DMD: variants seen among roughly 807,000 people sequenced by gnomAD.
DMD encodes dystrophin.
Under a neutral mutation model 330.1 loss-of-function variants are expected in DMD, and 63 were observed. The observed-to-expected ratio is 0.19, with a 90% CI of 0.16 to 0.24. The LOEUF is 0.24. DMD is among the 10% of genes least tolerant of loss of function. DMD has a pLI of 1.00. For missense variants in DMD, 3,344 were observed against 2,684.1 expected, an observed-to-expected ratio of 1.25 and a Z score of -5.43; for synonymous variants, 1,223 against 959.8, an observed-to-expected ratio of 1.27 and a Z score of -5.07.
intron 4 of DMD, among the ~76,000 whole-genome samples, chrX:32,842,814 A>T (rs780735422): frequency 8.6e-5 from 9 of 104,614 alleles, no homozygotes; most frequent in South Asian, 8.2e-4. Flanking sequence ...AATTATTATT[A>T]TTTTTTTTTT....
chrX:31,269,157 G>A (rs951101522), intron 62 of DMD, among the ~76,000 whole-genome samples: 1 of 111,400 alleles, frequency 9.0e-6, no homozygotes, highest in African/African-American at 3.3e-5. Context: ...AAGAAATGAC[G>A]CGGGCATCAC....
At chrX:32,889,879 AGGGGCGT>A (rs957930833) in intron 2 of DMD, among the ~76,000 whole-genome samples, 5 of 111,249 alleles carry the variant, frequency 4.5e-5, no homozygotes, top group African/African-American at 1.6e-4. Flanking sequence ...CTTCACTCGG[AGGGGCGT>A]GACAATCAGG....
At chrX:32,624,007 G>A (rs1388218157) in intron 11 of DMD, among the ~76,000 whole-genome samples, 1 of 111,821 alleles carries the variant, frequency 8.9e-6, no homozygotes, top group Non-Finnish European at 1.9e-5. Flanking sequence ...CTTTGTTGAT[G>A]AAAATGGCTT....
At chrX:32,929,424 T>TTCTC (rs71931689) in intron 2 of DMD, among the ~76,000 whole-genome samples, 1 of 104,538 alleles carries the variant, frequency 9.6e-6, no homozygotes, top group African/African-American at 3.5e-5. Flanking sequence ...ACCAGCAGCT[T>TTCTC]TCTCTCTCTC....
intron 51 of DMD, among the ~76,000 whole-genome samples, chrX:31,766,500 C>T (rs1394479158): frequency 2.7e-5 from 3 of 112,111 alleles, no homozygotes; most frequent in African/African-American, 9.7e-5. Flanking sequence ...TCAGGTGATA[C>T]ACCCGCCTCA....
chrX:32,709,730 T>C (rs1469527085), intron 7 of DMD, among the ~76,000 whole-genome samples: 1 of 111,879 alleles, frequency 8.9e-6, no homozygotes, highest in Non-Finnish European at 1.9e-5. Context: ...CAGAGATGCA[T>C]TTCCTATCCC....
At chrX:31,444,230 C>T (rs1323648003) in intron 60 of DMD, among the ~76,000 whole-genome samples, 3 of 110,847 alleles carry the variant, frequency 2.7e-5, no homozygotes. Flanking sequence ...TATGAATTAC[C>T]CAGCCCCAAG....
At chrX:32,710,984 A>G (rs1366677976) in intron 7 of DMD, among the ~76,000 whole-genome samples, 1 of 111,810 alleles carries the variant, frequency 8.9e-6, no homozygotes, top group African/African-American at 3.2e-5. Context: ...TCACTAATAT[A>G]TAACTATAAT....
At chrX:32,356,346 A>G (rs1189088434) in intron 37 of DMD, among the ~76,000 whole-genome samples, 3 of 96,585 alleles carry the variant, frequency 3.1e-5, no homozygotes, top group Non-Finnish European at 6.1e-5. Context: ...CCAAAGAATG[A>G]TTACTTTTAT....
chrX:32,771,015 A>C (rs1176844762), intron 7 of DMD, among the ~76,000 whole-genome samples: 1 of 111,807 alleles, frequency 8.9e-6, no homozygotes, highest in African/African-American at 3.3e-5. Context: ...ACACATTTCC[A>C]TATTAAAGGA....
At chrX:31,486,607 G>A (rs1249875876) in intron 57 of DMD, among the ~76,000 whole-genome samples, 1 of 111,642 alleles carries the variant, frequency 9.0e-6, no homozygotes, top group Non-Finnish European at 1.9e-5. Flanking sequence ...TAGTCTGCAG[G>A]ATTAGGTAGG....
Position 31,301,754 on chromosome X carries a change from TG to T in DMD, c.9224+21843del, listed in dbSNP as rs1333695942. Among the ~76,000 whole-genome samples, 12 of 106,925 alleles carry T rather than the reference TG, an allele frequency of 1.1e-4. No homozygotes were observed. The Admixed American group carries it at 1.2e-3, about 11-fold the overall frequency. The allele number at this position is 106,925 out of a possible 115,157, so 92.9% of individuals were successfully genotyped here. ...GGTTTTGTTTTGTTCTTTTTTTGTT[TG>T]TTTTTTTTTGTTTGTTTGTTGTTGT... On this transcript the variant is annotated intron_variant, in intron 62 of 78. Transcript: ENST00000357033.
intron 44 of DMD, among the ~76,000 whole-genome samples, chrX:32,177,544 C>T (rs1361414578): frequency 9.0e-6 from 1 of 111,677 alleles, no homozygotes; most frequent in South Asian, 3.8e-4. Flanking sequence ...TATATCACTT[C>T]TTCACAGAAG....
At chrX:32,762,274 G>A (rs764038821) in intron 7 of DMD, among the ~76,000 whole-genome samples, 30 of 110,928 alleles carry the variant, frequency 2.7e-4, no homozygotes, top group East Asian at 8.6e-4. Flanking sequence ...TCTATCAACC[G>A]ATGGTCACCT....
intron 55 of DMD, among the ~76,000 whole-genome samples, chrX:31,552,884 T>C (rs752447176): frequency 9.8e-5 from 11 of 111,847 alleles, no homozygotes; most frequent in African/African-American, 3.6e-4. Flanking sequence ...GCTGGGTATT[T>C]AGTACTGAAA....
At chrX:32,817,173 A>G (rs2077828893) in intron 5 of DMD, among the ~76,000 whole-genome samples, 2 of 111,751 alleles carry the variant, frequency 1.8e-5, no homozygotes, top group Non-Finnish European at 3.8e-5. Flanking sequence ...AGTACAAAAT[A>G]TGGTCAGATA....
chrX:32,662,353 G>C (rs1308070085), intron 9 of DMD, among the ~76,000 whole-genome samples: 1 of 111,707 alleles, frequency 9.0e-6, no homozygotes, highest in African/African-American at 3.2e-5. Flanking sequence ...AACTCATGCA[G>C]AAACTGTAAA....
intron 30 of DMD, among the ~76,000 whole-genome samples, chrX:32,407,019 A>C (rs1394557974): frequency 1.8e-5 from 2 of 111,695 alleles, no homozygotes; most frequent in Non-Finnish European, 3.8e-5. Context: ...AACCATAAAA[A>C]CCCTAGAAGA....
chrX:32,837,851 T>C (rs755570519), intron 4 of DMD, among the ~76,000 whole-genome samples: 19 of 112,092 alleles, frequency 1.7e-4, no homozygotes, highest in Admixed American at 1.4e-3. Context: ...AGACATACGA[T>C]TTTCTGAATG....
Sources: allele counts gnomAD v4.1 joint callset (sites outside exome capture counted in the v4.1 genomes callset), GRCh38; gene constraint gnomAD v4.1.1; transcripts MANE v1.5; gene names NCBI Gene and HGNC (gene_info 2026-07-23, HGNC 2026-07-21).